MYH1: variants seen among roughly 807,000 people sequenced by gnomAD.
The protein encoded by MYH1 is myosin heavy chain 1.
Under a neutral mutation model 225.6 loss-of-function variants are expected in MYH1, and 214 were observed. That is an observed-to-expected ratio of 0.95 (90% confidence interval 0.85 to 1.06). The LOEUF is 1.06. Among genes scored for constraint, MYH1 ranks in the 50% least tolerant of loss-of-function variants. The pLI is 0.00. For missense variants in MYH1, 2,098 were observed against 2,344.2 expected, an observed-to-expected ratio of 0.89 and a Z score of 2.17; for synonymous variants, 774 against 842.3, an observed-to-expected ratio of 0.92 and a Z score of 1.40.
chr17:10,515,030 G>A (rs1253403653), intron 5 of MYH1, 135 bp from the exon 6 acceptor site: 1 of 764,672 alleles, frequency 1.3e-6, no homozygotes, highest in Non-Finnish European at 2.3e-6. Flanking sequence ...AAAGTTATGG[G>A]TGTGTCCTGC....
In MYH1 at chr17:10,507,972, A is replaced by C. The variant is rs912717800; in HGVS notation, c.1898-16T>G. On this transcript the variant is annotated splice_polypyrimidine_tract_variant and intron_variant, in intron 16 of 39. Transcript: ENST00000226207. The stretch of plus-strand genomic sequence containing the variant: ...CCGCCAGCCTCTGAGGGGAAAAAGA[A>C]AGCAATCATAGGACAGCCTTTCTCT... 2 of 1,605,950 alleles carry C rather than the reference A, an allele frequency of 1.2e-6. No homozygotes were observed. Among genetic ancestry groups the C allele is most frequent in the African/African-American group, 1.3e-5 (1 of 74,656 alleles).
Position 10,492,313 on chromosome 17 carries a change from G to A in MYH1, c.*103C>T, listed in dbSNP as rs2072941234. 2 of 1,386,452 alleles carry A rather than the reference G, an allele frequency of 1.4e-6. No homozygotes were observed. The highest frequency in any genetic ancestry group is 2.2e-5 in the Admixed American group (1 of 46,146). 85.9% of individuals were successfully genotyped at this position (1,386,452 alleles called of 1,614,324 possible). A position where few individuals can be genotyped will look rare whatever the true frequency, so the allele number is the denominator to read the frequency against. On this transcript the variant is annotated 3_prime_UTR_variant, in exon 40 of 40. Coordinates refer to ENST00000226207, the MANE Select transcript of MYH1 (RefSeq NM_005963.4). Reference sequence around the variant, plus strand: ...GGAAAAAGAGACTCACAAGTTTTTGGCAGATAAATTTTTTATCTCCAAAAG... The same window carrying A: ...GGAAAAAGAGACTCACAAGTTTTTGACAGATAAATTTTTTATCTCCAAAAG...
rs776506462 is a variant in MYH1, at chr17:10,516,154, C to T, written c.348+45G>A. 3 of 1,613,494 alleles carry T rather than the reference C, an allele frequency of 1.9e-6. No homozygotes were observed. In the South Asian group the frequency reaches 3.3e-5, roughly 18 times the overall value. ...TTAATCATCTACTACTTTTCAAAAA[C>T]TATTAACTACTCTCATGAGTAGAAG... On this transcript the variant is annotated intron_variant, in intron 4 of 39. Transcript: ENST00000226207.
Position 10,495,970 on chromosome 17 carries a change from C to T in MYH1, c.5149G>A (p.Val1717Ile), listed in dbSNP as rs1178311471. The part of the protein sequence containing the change: ...EQELLDASER[V>I]QLLHTQNTSL... ...TGCACCTGGGTGTGCAGGAGCTGAA[C>T]ACGCTCACTGGCATCCAGGAGCTCC... The change falls in exon 35 of 40, where the codon GTT (valine) becomes ATT (isoleucine). Residue 1717 changes from valine (V) to isoleucine (I), a missense_variant. Val to Ile is a conservative substitution (Grantham distance 29, BLOSUM62 3). Transcript: ENST00000226207. The T allele has an allele frequency of 1.9e-6, 3 of 1,614,042 alleles. No homozygotes were observed. Among genetic ancestry groups the T allele is most frequent in the Admixed American group, 1.7e-5 (1 of 59,994 alleles).
intron 8 of MYH1, 54 bp from the exon 9 acceptor site, chr17:10,513,743 A>T: frequency 6.2e-7 from 1 of 1,612,440 alleles, no homozygotes. Context: ...CGTAGTGGGG[A>T]TGCCACTGAA....
rs367773958 is a variant in MYH1 at position 10,508,653 on chromosome 17, A to G, written c.1607T>C (p.Ile536Thr). 6.2e-7 allele frequency: 1 copy of G among 1,614,106 alleles called. No homozygotes were observed. The highest frequency in any genetic ancestry group is 2.2e-5 in the East Asian group (1 of 44,886). Reference sequence around the variant, plus strand: ...GGGGAACATGCACTCCTCTTCCAGGATGGAGAAGATGCCCATAGGCTGGAA... The same window carrying G: ...GGGGAACATGCACTCCTCTTCCAGGGTGGAGAAGATGCCCATAGGCTGGAA... ...LIEKPMGIFS[I>T]LEEECMFPKA... The change falls in exon 16 of 40, where the codon ATC becomes ACC. Residue 536 changes from isoleucine to threonine, a missense_variant. By Grantham distance (89) the Ile-to-Thr change is moderately conservative (BLOSUM62 -1). Coordinates refer to ENST00000226207, the MANE Select transcript of MYH1 (RefSeq NM_005963.4).
intron 17 of MYH1, among the ~76,000 whole-genome samples, chr17:10,507,500 T>C (rs1301374063): frequency 2.0e-5 from 3 of 152,356 alleles, no homozygotes; most frequent in East Asian, 3.9e-4. Flanking sequence ...CAATGTATCT[T>C]TAAGCACCTA....
chr17:10,500,381 T>G (rs1469998466), intron 28 of MYH1, among the ~76,000 whole-genome samples: 1 of 150,464 alleles, frequency 6.6e-6, no homozygotes, highest in African/African-American at 2.4e-5. Context: ...TATATATATG[T>G]ATGTATGGAT....
chr17:10,497,259 T>C lies in MYH1; in HGVS notation c.4531+28A>G, dbSNP rs760533137. ...GAAAAGATTCTTTCAAATCTTTTATTGTTAAAGAAAAGGTAAAATGTTCTC... is the reference window on the plus strand; with the variant it reads ...GAAAAGATTCTTTCAAATCTTTTATCGTTAAAGAAAAGGTAAAATGTTCTC... On this transcript the variant is annotated intron_variant, in intron 32 of 39. Coordinates refer to ENST00000226207, the MANE Select transcript of MYH1 (RefSeq NM_005963.4). 1.1e-5 allele frequency: 17 copies of C among 1,591,144 alleles called. No individual in the cohort carries two copies. The East Asian group carries it at 3.6e-4, about 33-fold the overall frequency.
intron 9 of MYH1, 97 bp from the exon 10 acceptor site, chr17:10,513,062 T>C (rs2073188833): frequency 1.3e-6 from 1 of 752,922 alleles, no homozygotes; most frequent in Non-Finnish European, 2.2e-6. Flanking sequence ...CTCACTGGCC[T>C]CTTGAGATTT....
chr17:10,515,820 C>G, intron 5 of MYH1, 106 bp downstream of exon 5: 1 of 1,574,254 alleles, frequency 6.4e-7, no homozygotes, highest in South Asian at 1.2e-5. Flanking sequence ...TGCTGAACAA[C>G]CAGGGGCGTG....
intron 35 of MYH1, 76 bp downstream of exon 35, chr17:10,495,874 T>C: frequency 6.4e-7 from 1 of 1,552,888 alleles, no homozygotes; most frequent in Non-Finnish European, 8.8e-7. Context: ...AATAGATTTC[T>C]TAATAGTACC....
Position 10,497,412 on chromosome 17 carries a change from G to C in MYH1, c.4406C>G (p.Ala1469Gly), listed in dbSNP as rs754340824. ...TTCCTTTTGAGAAGCTTCAAGTTCA[G>C]CATGAGTTTCTTCACACTTCTGTTT... The part of the protein sequence containing the change: ...EWKQKCEETH[A>G]ELEASQKESR... The change falls in exon 32 of 40, where the codon GCT becomes GGT. Residue 1469 changes from alanine (A) to glycine (G), a missense_variant. By Grantham distance (60) the Ala-to-Gly change is moderately conservative. Transcript: ENST00000226207. 22 of 1,611,996 alleles carry C rather than the reference G, an allele frequency of 1.4e-5. No homozygotes were observed. Among genetic ancestry groups the C allele is most frequent in the Non-Finnish European group, 1.9e-5 (22 of 1,179,654 alleles).
Position 10,505,284 on chromosome 17 carries a change from C to T in MYH1, c.2314G>A (p.Gly772Ser). 1 of 1,614,146 alleles carries T rather than the reference C, an allele frequency of 6.2e-7. No individual in the cohort carries two copies. Among genetic ancestry groups the T allele is most frequent in the Non-Finnish European group, 8.5e-7 (1 of 1,180,026 alleles). The change falls in exon 21 of 40, where the codon GGT (glycine) becomes AGT (serine). Residue 772 changes from glycine (G) to serine (S), a missense_variant. Transcript: ENST00000226207. ...FGHTKVFFKA[G>S]LLGLLEEMRD... The stretch of plus-strand genomic sequence containing the variant: ...ATCTCCTCTAGGAGCCCCAGAAGAC[C>T]AGCTTTGAAAAAGACCTATGTGTGG...
intron 27 of MYH1, 114 bp downstream of exon 27, chr17:10,500,994 GAT>G (rs2073048046): frequency 6.7e-7 from 1 of 1,501,726 alleles, no homozygotes; most frequent in South Asian, 1.3e-5. Context: ...TACTATACGT[GAT>G]ATGAGAAAAA....
At position 10,498,592 on chromosome 17, in the gene MYH1, T is replaced by C. The variant is rs753548173; in HGVS notation, c.4181+34A>G. ...TCATATGTTTTGGGAGCAAGGAAAC[T>C]TATAGTTCCATTTTAACTAAGTCTG... On this transcript the variant is annotated intron_variant, in intron 30 of 39. Transcript: ENST00000226207. 3 of 1,613,268 alleles carry C rather than the reference T, an allele frequency of 1.9e-6. No homozygotes were observed. In the African/African-American group the frequency reaches 4.0e-5, roughly 21 times the overall value.
At chr17:10,517,283 C>T (rs1363769895) in intron 2 of MYH1, among the ~76,000 whole-genome samples, 2 of 152,178 alleles carry the variant, frequency 1.3e-5, no homozygotes, top group Non-Finnish European at 2.9e-5. Flanking sequence ...TACAGGAAAG[C>T]AGAAATGTGT....
rs371915730 is a variant in MYH1 at position 10,496,380 on chromosome 17, A to T, written c.4826T>A (p.Ile1609Asn). 9.9e-6 allele frequency: 16 copies of T among 1,613,866 alleles called. No individual in the cohort carries two copies. The highest frequency in any genetic ancestry group is 1.3e-5 in the Non-Finnish European group (15 of 1,180,000). The change falls in exon 34 of 40, where the codon ATC becomes AAC. Residue 1609 changes from isoleucine (I) to asparagine (N), a missense_variant. Coordinates refer to ENST00000226207, the MANE Select transcript of MYH1 (RefSeq NM_005963.4). The part of the protein sequence containing the change: ...ESMQSTLDAE[I>N]RSRNDAIRLK... ...CCTAATGGCATCATTCCTGCTCCTG[A>T]TCTCAGCATCCAGTGTGCTCTGCAT...
In MYH1 at chr17:10,497,448, A is replaced by G. The variant is rs2142257293; in HGVS notation, c.4370T>C (p.Leu1457Pro). 2 of 1,596,378 alleles carry G rather than the reference A, an allele frequency of 1.3e-6. No individual in the cohort carries two copies. The highest frequency in any genetic ancestry group is 1.7e-6 in the Non-Finnish European group (2 of 1,176,026). The change falls in exon 32 of 40, where the codon CTG becomes CCG. Residue 1457 changes from leucine to proline, a missense_variant. Physicochemically the swap from Leu to Pro is moderately conservative, Grantham distance 98. Coordinates refer to ENST00000226207, the MANE Select transcript of MYH1 (RefSeq NM_005963.4). ...TTCACACTTCTGTTTCCATTCTGCC[A>G]GGATCTGAAGGTCAAGGAATGGACA... ...DKKQRNFDKI[L>P]AEWKQKCEET...
Sources: gnomAD v4.1 joint callset for allele counts (sites outside exome capture counted in the v4.1 genomes callset) on GRCh38, gnomAD v4.1.1 for gene constraint, MANE v1.5 for transcripts, NCBI Gene and HGNC (gene_info 2026-07-23, HGNC 2026-07-21) for gene names.